The following WWOX variants were observed in gnomAD, a reference collection of about 807,000 sequenced individuals.
WWOX encodes the protein WW domain containing oxidoreductase, also known as WW domain-containing oxidoreductase.
A neutral mutation model predicts 46.2 loss-of-function variants in WWOX; 69 were observed. The observed-to-expected ratio is 1.49, with a 90% CI of 1.23 to 1.82. The LOEUF is 1.82. Ranked by LOEUF, WWOX falls within the 40% of genes most tolerant of loss-of-function variation. WWOX has a pLI of 0.00. For synonymous variants in WWOX, 359 were observed against 202.6 expected (o/e 1.77, Z -6.56); for missense variants, 919 against 542.6 (o/e 1.69, Z -6.89).
chr16:78,955,433 T>C (rs1389664622), intron 8 of WWOX, among the ~76,000 whole-genome samples: 2 of 152,074 alleles, frequency 1.3e-5, no homozygotes, highest in South Asian at 2.1e-4. Context: ...CCCAGAGAGC[T>C]TGGGCCAAAA....
intron 8 of WWOX, among the ~76,000 whole-genome samples, chr16:78,540,434 A>T (rs1329465849): frequency 1.3e-5 from 2 of 152,236 alleles, no homozygotes; most frequent in South Asian, 2.1e-4. Flanking sequence ...TTGCAAATAT[A>T]CTTGTCTCTT....
At chr16:78,346,858 C>T (rs779130454) in intron 5 of WWOX, among the ~76,000 whole-genome samples, 1 of 118,754 alleles carries the variant, frequency 8.4e-6, no homozygotes. Context: ...AAGCCTGCTA[C>T]CATGCCTGGC....
chr16:78,929,924 G>C (rs1006159350), intron 8 of WWOX, among the ~76,000 whole-genome samples: 1 of 152,104 alleles, frequency 6.6e-6, no homozygotes, highest in African/African-American at 2.4e-5. Context: ...AGAGGTACAC[G>C]GTAGTTCAGG....
At chr16:78,378,023 C>A (rs969930558) in intron 5 of WWOX, among the ~76,000 whole-genome samples, 1 of 151,880 alleles carries the variant, frequency 6.6e-6, no homozygotes, top group Non-Finnish European at 1.5e-5. Context: ...TGATGGAGGG[C>A]CCTGGAGTGA....
At chr16:79,018,209 C>T (rs1293151017) in intron 8 of WWOX, among the ~76,000 whole-genome samples, 4 of 152,196 alleles carry the variant, frequency 2.6e-5, no homozygotes, top group East Asian at 1.9e-4. Flanking sequence ...AGTTATTTTG[C>T]CTTTACCAAG....
chr16:78,514,511 G>T (rs1385790717), intron 8 of WWOX, among the ~76,000 whole-genome samples: 2 of 152,132 alleles, frequency 1.3e-5, no homozygotes, highest in African/African-American at 4.8e-5. Flanking sequence ...CTAATCTGCG[G>T]CCCTGGTACA....
At chr16:79,027,032 C>A (rs1183258876) in intron 8 of WWOX, among the ~76,000 whole-genome samples, 1 of 151,500 alleles carries the variant, frequency 6.6e-6, no homozygotes, top group South Asian at 2.1e-4. Flanking sequence ...GTAATCCCAG[C>A]ACTTTGGGAG....
intron 5 of WWOX, chr16:78,355,915 A>T: frequency 3.0e-6 from 1 of 332,146 alleles, no homozygotes; most frequent in Non-Finnish European, 5.9e-6. Context: ...CAAAAGAGAA[A>T]CCCGCATACA....
At chr16:78,855,885 C>A (rs1011121843) in intron 8 of WWOX, among the ~76,000 whole-genome samples, 2 of 152,174 alleles carry the variant, frequency 1.3e-5, no homozygotes, top group African/African-American at 4.8e-5. Context: ...AGGCCCAGTC[C>A]TTACTCTCAT....
chr16:78,616,634 T>C (rs1057082573), intron 8 of WWOX, among the ~76,000 whole-genome samples: 1 of 151,678 alleles, frequency 6.6e-6, no homozygotes, highest in African/African-American at 2.4e-5. Flanking sequence ...CCAGGCTCGG[T>C]GGCTTGTGCT....
intron 8 of WWOX, among the ~76,000 whole-genome samples, chr16:79,103,044 C>T (rs1282442090): frequency 1.3e-5 from 2 of 152,130 alleles, no homozygotes; most frequent in African/African-American, 4.8e-5. Flanking sequence ...TTTCCATTTG[C>T]TTCTTGCTTT....
At chr16:78,483,704 C>A (rs2738691) in intron 8 of WWOX, among the ~76,000 whole-genome samples, 25,062 of 152,026 alleles carry the variant, frequency 0.16, 2,152 homozygotes, top group African/African-American at 0.2. Context: ...GCCAATCTCA[C>A]AAGATACTAA....
intron 5 of WWOX, among the ~76,000 whole-genome samples, chr16:78,378,827 C>G (rs750307066): frequency 1.3e-5 from 2 of 152,160 alleles, no homozygotes; most frequent in Non-Finnish European, 2.9e-5. Flanking sequence ...AGCGGTAACA[C>G]TTCTCTTGTA....
At chr16:78,831,076 G>A (rs1209108692) in intron 8 of WWOX, among the ~76,000 whole-genome samples, 1 of 152,194 alleles carries the variant, frequency 6.6e-6, no homozygotes, top group Non-Finnish European at 1.5e-5. Flanking sequence ...AAGAGAAGAA[G>A]GGACTGCGTT....
chr16:78,763,216 C>A (rs1037441352), intron 8 of WWOX, among the ~76,000 whole-genome samples: 1 of 152,226 alleles, frequency 6.6e-6, no homozygotes, highest in Non-Finnish European at 1.5e-5. Context: ...GTGTTTATTA[C>A]AAAGCGATAC....
intron 8 of WWOX, among the ~76,000 whole-genome samples, chr16:79,158,733 G>T (rs936005009): frequency 4.6e-5 from 7 of 152,204 alleles, no homozygotes; most frequent in African/African-American, 1.7e-4. Context: ...TTTACAGACA[G>T]ATTTTTCTTA....
intron 8 of WWOX, among the ~76,000 whole-genome samples, chr16:78,962,605 G>C (rs1208157094): frequency 6.6e-6 from 1 of 152,132 alleles, no homozygotes; most frequent in Non-Finnish European, 1.5e-5. Context: ...ACAGGAAGAG[G>C]AGGGCATTCA....
At chr16:78,506,068 G>A (rs141751604) in intron 8 of WWOX, among the ~76,000 whole-genome samples, 1 of 152,218 alleles carries the variant, frequency 6.6e-6, no homozygotes, top group East Asian at 1.9e-4. Context: ...GGATTGGTCT[G>A]CGTCCAAGAG....
chr16:78,313,646 A>C (rs1026324998), intron 5 of WWOX, among the ~76,000 whole-genome samples: 3 of 152,180 alleles, frequency 2.0e-5, no homozygotes, highest in African/African-American at 7.2e-5. Context: ...GATTACGGGC[A>C]TGAGCCACTG....
Sources: gnomAD v4.1 joint callset for allele counts (sites outside exome capture counted in the v4.1 genomes callset) on GRCh38, gnomAD v4.1.1 for gene constraint, MANE v1.5 for transcripts, NCBI Gene and HGNC (gene_info 2026-07-23, HGNC 2026-07-21) for gene names.